Variants in WDR19 observed in about 807,000 individuals in gnomAD.
WDR19 encodes the protein WD repeat-containing protein 19.
Under a neutral mutation model 180.0 loss-of-function variants are expected in WDR19, and 121 were observed. The ratio of observed to expected loss-of-function variants is 0.67; its 90% CI spans 0.58 to 0.78. The LOEUF (loss-of-function observed/expected upper bound fraction) is 0.78, where lower values mean the gene tolerates loss of function less well. Ranked by LOEUF, WDR19 falls within the 30% of genes least tolerant of loss-of-function variation. The pLI, the probability that WDR19 is intolerant of heterozygous loss-of-function variation, is 0.00. For missense variants in WDR19, 1,450 were observed against 1,640.7 expected, an observed-to-expected ratio of 0.88 and a Z score of 2.01; for synonymous variants, 497 against 540.7, an observed-to-expected ratio of 0.92 and a Z score of 1.12.
At chr4:39,282,448 AGTGCAATGATG>A (rs1736636981) in intron 36 of WDR19, among the ~76,000 whole-genome samples, 1 of 152,126 alleles carries the variant, frequency 6.6e-6, no homozygotes, top group Admixed American at 6.5e-5. Flanking sequence ...CCCAGGCCAG[AGTGCAATGATG>A]CAATCTCAGC....
At chr4:39,282,205 T>TA (rs1277031552) in intron 36 of WDR19, among the ~76,000 whole-genome samples, 1 of 152,204 alleles carries the variant, frequency 6.6e-6, no homozygotes, top group Non-Finnish European at 1.5e-5. Context: ...AGGAAGGTAT[T>TA]ACATAGGATA....
At chr4:39,257,361 C>A in intron 27 of WDR19, 125 bp from the exon 28 acceptor site, 1 of 887,114 alleles carries the variant, frequency 1.1e-6, no homozygotes, top group Non-Finnish European at 1.8e-6. Context: ...CCATGCAAGC[C>A]CCTGGTTGAG....
rs923786411 is a variant in WDR19, at chr4:39,280,316, G to A, written c.*13+1653G>A. 2.6e-5 allele frequency among the ~76,000 whole-genome samples: 4 copies of A among 151,812 alleles called. No individual in the cohort carries two copies. In the East Asian group the frequency reaches 7.7e-4, roughly 29 times the overall value. On this transcript the variant is annotated intron_variant, in intron 36 of 36. Coordinates refer to ENST00000399820, the MANE Select transcript of WDR19 (RefSeq NM_025132.4). ...TATTTTGATGAAGTCCAATTTATCT[G>A]TTTGATTTTCACCCCCTTTGGTTGC...
chr4:39,273,119 C>A, intron 32 of WDR19, 58 bp downstream of exon 32: 1 of 1,343,646 alleles, frequency 7.4e-7, no homozygotes, highest in South Asian at 1.4e-5. Context: ...CGCATGCTAG[C>A]CCAGCGCCCC....
At chr4:39,213,628 C>T (rs1728757697) in intron 9 of WDR19, among the ~76,000 whole-genome samples, 1 of 152,116 alleles carries the variant, frequency 6.6e-6, no homozygotes, top group Non-Finnish European at 1.5e-5. Flanking sequence ...ATGAGAGATC[C>T]TTGTGGTCAT....
chr4:39,221,528 T>C (rs946279203), intron 14 of WDR19, among the ~76,000 whole-genome samples: 3 of 152,218 alleles, frequency 2.0e-5, no homozygotes, highest in African/African-American at 7.2e-5. Flanking sequence ...TTATACAATT[T>C]GGACAGGCGT....
chr4:39,208,285 TA>T (rs1418400248), intron 9 of WDR19, among the ~76,000 whole-genome samples: 1 of 150,284 alleles, frequency 6.7e-6, no homozygotes, highest in Non-Finnish European at 1.5e-5. Context: ...AAAAACTTAT[TA>T]GACATAGACT....
At chr4:39,280,299 T>C (rs564738142) in intron 36 of WDR19, among the ~76,000 whole-genome samples, 17 of 152,178 alleles carry the variant, frequency 1.1e-4, no homozygotes, top group Non-Finnish European at 2.4e-4. Flanking sequence ...TTTATTTTGA[T>C]GAAGTCCAAT....
In WDR19 at chr4:39,191,119, G is replaced by A. The variant is rs536772163; in HGVS notation, c.290+1338G>A. 1.5e-4 allele frequency among the ~76,000 whole-genome samples: 23 copies of A among 152,232 alleles called. No homozygotes were observed. In the South Asian group the frequency reaches 2.3e-3, roughly 15 times the overall value. On this transcript the variant is annotated intron_variant, in intron 4 of 36. Transcript: ENST00000399820. The stretch of plus-strand genomic sequence containing the variant: ...ACCCAAGTAAATGGTAGATGTTATC[G>A]TAATTGTCATTAAAATAAAATTAAG...
chr4:39,205,590 T>C lies in WDR19; in HGVS notation c.744T>C (p.Gly248=). Residue 248 remains glycine, a synonymous_variant, in exon 9 of 37, where the codon GGT becomes GGC. Transcript: ENST00000399820. ...NWYGDGRIMI[G]FSCGHFVVIS... ...ATGGTGATGGCCGCATCATGATTGG[T>C]TTTTCATGTGGACATTTTGTGGTCA... The C allele has an allele frequency of 6.2e-7, 1 of 1,613,398 alleles. No individual in the cohort carries two copies. The highest frequency in any genetic ancestry group is 8.5e-7 in the Non-Finnish European group (1 of 1,179,664).
intron 6 of WDR19, among the ~76,000 whole-genome samples, chr4:39,200,102 C>T (rs1344516069): frequency 1.3e-5 from 2 of 152,146 alleles, no homozygotes; most frequent in Non-Finnish European, 2.9e-5. Flanking sequence ...ATTTGTATCG[C>T]CAGTAGCTAC....
At chr4:39,205,882 A>G (rs2109301953) in intron 9 of WDR19, 146 bp downstream of exon 9, 2 of 752,498 alleles carry the variant, frequency 2.7e-6, no homozygotes, top group East Asian at 2.8e-5. Flanking sequence ...TTTAATATTC[A>G]GGGCAAAAAT....
At chr4:39,193,647 C>G (rs1560478141) in intron 4 of WDR19, among the ~76,000 whole-genome samples, 1 of 152,150 alleles carries the variant, frequency 6.6e-6, no homozygotes. Context: ...CCAGAGGAAA[C>G]CTCTTTAAAC....
chr4:39,270,060 C>T lies in WDR19; in HGVS notation c.3443C>T (p.Ala1148Val), dbSNP rs1235824066. The T allele has an allele frequency of 5.0e-6, 8 of 1,613,686 alleles. No individual in the cohort carries two copies. Among genetic ancestry groups the T allele is most frequent in the Non-Finnish European group, 6.8e-6 (8 of 1,179,852 alleles). ...SQKIKIPSEMATNLMILHSYI... is the reference protein window; with the variant it reads ...SQKIKIPSEMVTNLMILHSYI... ...AAGATCAAAATTCCCTCCGAGATGG[C>T]CACCAACCTCATGATTCTGCACAGC... The change falls in exon 31 of 37, where the codon GCC (alanine) becomes GTC (valine). Residue 1148 changes from alanine (A) to valine (V), a missense_variant. Transcript: ENST00000399820.
chr4:39,261,010 T>A (rs1045880197), intron 28 of WDR19, among the ~76,000 whole-genome samples: 3 of 152,136 alleles, frequency 2.0e-5, no homozygotes, highest in African/African-American at 7.2e-5. Context: ...TTTTTTGTTG[T>A]TTCGTTGTTG....
At chr4:39,260,355 TGA>T (rs1157555536) in intron 28 of WDR19, among the ~76,000 whole-genome samples, 4 of 91,410 alleles carry the variant, frequency 4.4e-5, no homozygotes, top group African/African-American at 1.5e-4. Context: ...TTTTTTTTTT[TGA>T]GACAGAGTCT....
At chr4:39,193,701 G>A (rs1726414857) in intron 4 of WDR19, among the ~76,000 whole-genome samples, 1 of 152,148 alleles carries the variant, frequency 6.6e-6, no homozygotes, top group African/African-American at 2.4e-5. Context: ...ATTCTTGGAA[G>A]CAGTGCTGCT....
In WDR19 at chr4:39,272,795, G is replaced by A. The variant is rs147970929; in HGVS notation, c.3484-185G>A. Reference sequence around the variant, plus strand: ...GAGCATAGAGTAGGTGAGGCCATGGGGCCAGGCAGTAGCTGTTGAAGAGAA... The same window carrying A: ...GAGCATAGAGTAGGTGAGGCCATGGAGCCAGGCAGTAGCTGTTGAAGAGAA... On this transcript the variant is annotated intron_variant, in intron 31 of 36. Transcript: ENST00000399820. 5.9e-3 allele frequency among the ~76,000 whole-genome samples: 896 copies of A among 152,302 alleles called. 7 individuals carry two copies. The highest frequency in any genetic ancestry group is 0.02 in the African/African-American group (847 of 41,558).
chr4:39,227,341 G>A lies in WDR19; in HGVS notation c.1630-869G>A, dbSNP rs373860054. Among the ~76,000 whole-genome samples the A allele has an allele frequency of 1.9e-4, 29 of 152,218 alleles. No homozygotes were observed. In the East Asian group the frequency reaches 5.2e-3, roughly 27 times the overall value. On this transcript the variant is annotated intron_variant, in intron 15 of 36. Coordinates refer to ENST00000399820, the MANE Select transcript of WDR19 (RefSeq NM_025132.4). The stretch of plus-strand genomic sequence containing the variant: ...CAAGCCTACCTGCCTGAGTTCACAG[G>A]ACTTATATGGACTGATTTTTGTAAA...
Sources: allele counts gnomAD v4.1 joint callset (sites outside exome capture counted in the v4.1 genomes callset), GRCh38; gene constraint gnomAD v4.1.1; transcripts MANE v1.5; gene names NCBI Gene and HGNC (gene_info 2026-07-23, HGNC 2026-07-21).